TOR1AIP2: variants seen among roughly 807,000 people sequenced by gnomAD.
TOR1AIP2 encodes torsin 1A interacting protein 2.
In TOR1AIP2, 20 loss-of-function variants were observed where a neutral mutation model predicts 32.6. That is an observed-to-expected ratio of 0.61 (90% confidence interval 0.43 to 0.89). The LOEUF is 0.89. Among genes scored for constraint, TOR1AIP2 ranks in the 40% least tolerant of loss-of-function variants. TOR1AIP2 has a pLI of 0.00. For missense variants in TOR1AIP2, 456 were observed against 553.8 expected (o/e 0.82, Z 1.77); for synonymous variants, 214 against 210.8 (o/e 1.02, Z -0.13).
intron 3 of TOR1AIP2, chr1:179,860,501 A>C: frequency 1.0e-6 from 1 of 985,526 alleles, no homozygotes; most frequent in Non-Finnish European, 1.2e-6. Flanking sequence ...AAACAAAACA[A>C]GTAAGACTCT....
rs397754674 is a variant in TOR1AIP2 at position 179,843,820 on chromosome 1, C to CAAAAAAA, written c.*2244_*2250dup. The CAAAAAAA allele has an allele frequency of 9.0e-5, 5 of 55,476 alleles. No homozygotes were observed. The highest frequency in any genetic ancestry group is 1.5e-4 in the Non-Finnish European group (4 of 26,204). 3.4% of individuals were successfully genotyped at this position (55,476 alleles called of 1,614,324 possible). ...TGGGAGTCAGAGTGAGACTCCATCT[C>CAAAAAAA]AAAAAAAAAAAAAAAAAAAAAAGAC... On this transcript the variant is annotated 3_prime_UTR_variant, in exon 7 of 7. Coordinates refer to ENST00000609928, the MANE Select transcript of TOR1AIP2 (RefSeq NM_001199260.2).
rs1173179608 is a variant in TOR1AIP2 at position 179,842,111 on chromosome 1, A to C, written c.*3960T>G. Reference sequence around the variant, plus strand: ...GCTACTTGGCAGGCTGAGGCAGGAGAATCGCTTGAACCTGGGAGGCAGTGG... The same window carrying C: ...GCTACTTGGCAGGCTGAGGCAGGAGCATCGCTTGAACCTGGGAGGCAGTGG... On this transcript the variant is annotated 3_prime_UTR_variant, in exon 7 of 7. Transcript: ENST00000609928. 6.6e-6 allele frequency: 1 copy of C among 152,346 alleles called. No homozygotes were observed. The highest frequency in any genetic ancestry group is 1.5e-5 in the Non-Finnish European group (1 of 68,172). 9.4% of individuals were successfully genotyped at this position (152,346 alleles called of 1,614,324 possible).
chr1:179,861,935 A>G (rs1278525842), intron 3 of TOR1AIP2: 2 of 974,164 alleles, frequency 2.1e-6, no homozygotes, highest in Non-Finnish European at 2.4e-6. Context: ...CCTGGGCTCA[A>G]GTGATCCTGC....
In TOR1AIP2 at chr1:179,844,622, C is replaced by T. The variant is rs529048531; in HGVS notation, c.*1449G>A. On this transcript the variant is annotated 3_prime_UTR_variant, in exon 7 of 7. Transcript: ENST00000609928. ...CTGTTTTCAATCTTTCTTACAATCA[C>T]AGAACATGGTCCGTCAGTACTGAAC... The T allele has an allele frequency of 6.6e-6, 1 of 152,320 alleles. No individual in the cohort carries two copies. The highest frequency in any genetic ancestry group is 2.1e-4 in the South Asian group (1 of 4,832). The allele number at this position is 152,320 out of a possible 1,614,324, so 9.4% of individuals were successfully genotyped here.
At position 179,840,919 on chromosome 1, in the gene TOR1AIP2, G is replaced by A. The variant is rs1434673254; in HGVS notation, c.*5152C>T. ...TAATAATAATAATAATAATAATAAA[G>A]AAGTTATAGCACAGTTTATTAGCTA... On this transcript the variant is annotated 3_prime_UTR_variant, in exon 7 of 7. Coordinates refer to ENST00000609928, the MANE Select transcript of TOR1AIP2 (RefSeq NM_001199260.2). 8.4e-6 allele frequency: 1 copy of A among 118,656 alleles called. No homozygotes were observed. The highest frequency in any genetic ancestry group is 5.0e-5 in the African/African-American group (1 of 20,028). The allele number at this position is 118,656 out of a possible 1,614,324, so 7.4% of individuals were successfully genotyped here. A position where few individuals can be genotyped will look rare whatever the true frequency, so the allele number is the denominator to read the frequency against.
chr1:179,855,306 A>T (rs1026172977), intron 3 of TOR1AIP2, among the ~76,000 whole-genome samples: 1 of 152,228 alleles, frequency 6.6e-6, no homozygotes, highest in Non-Finnish European at 1.5e-5. Context: ...GACTAGAAAA[A>T]CATCTGCAAC....
At chr1:179,857,005 G>A (rs1238647826) in intron 3 of TOR1AIP2, among the ~76,000 whole-genome samples, 9 of 152,222 alleles carry the variant, frequency 5.9e-5, no homozygotes, top group Non-Finnish European at 1.3e-4. Context: ...GTGAGGCAGA[G>A]CCTCATCCTG....
chr1:179,845,494 T>G lies in TOR1AIP2; in HGVS notation c.*577A>C, dbSNP rs1196090376. On this transcript the variant is annotated 3_prime_UTR_variant, in exon 7 of 7. Transcript: ENST00000609928. ...AAAGCACAGTGCCTTACATGTAGTA[T>G]TTAGGTAGGTACTTAATGGTTTGAA... is the stretch of plus-strand genomic sequence containing the variant. 1.3e-5 allele frequency: 2 copies of G among 152,324 alleles called. No individual in the cohort carries two copies. The highest frequency in any genetic ancestry group is 2.9e-5 in the Non-Finnish European group (2 of 68,126). The allele number at this position is 152,324 out of a possible 1,614,324, so 9.4% of individuals were successfully genotyped here.
Position 179,842,494 on chromosome 1 carries a change from G to A in TOR1AIP2, c.*3577C>T, listed in dbSNP as rs1362189798. On this transcript the variant is annotated 3_prime_UTR_variant, in exon 7 of 7. Transcript: ENST00000609928. ...CAGAAAACCTAAAATTTACCCTAAGGGAAGAAAAACCTCAAGTCCAAAGAC... is the reference window on the plus strand; with the variant it reads ...CAGAAAACCTAAAATTTACCCTAAGAGAAGAAAAACCTCAAGTCCAAAGAC... 6.6e-6 allele frequency: 1 copy of A among 152,086 alleles called. No individual in the cohort carries two copies. Among genetic ancestry groups the A allele is most frequent in the African/African-American group, 2.4e-5 (1 of 41,406 alleles). 9.4% of individuals were successfully genotyped at this position (152,086 alleles called of 1,614,324 possible).
intron 6 of TOR1AIP2, 76 bp downstream of exon 6, chr1:179,847,459 G>T (rs1443260763): frequency 1.1e-6 from 1 of 945,836 alleles, no homozygotes; most frequent in Non-Finnish European, 1.7e-6. Context: ...GTTTAAATCT[G>T]CTAGTTTTCT....
intron 3 of TOR1AIP2, chr1:179,864,720 A>T: frequency 1.3e-6 from 2 of 1,508,942 alleles, no homozygotes; most frequent in South Asian, 2.8e-5. Flanking sequence ...TTATTTTTCC[A>T]TCTTCCTTGG....
intron 5 of TOR1AIP2, 127 bp from the exon 6 acceptor site, chr1:179,847,763 G>A (rs970514431): frequency 1.1e-5 from 7 of 664,076 alleles, no homozygotes; most frequent in Non-Finnish European, 1.8e-5. Context: ...GCCAGGTACG[G>A]TGGCTCATGC....
At chr1:179,865,044 T>C (rs1696711792) in intron 3 of TOR1AIP2, 1 of 1,613,962 alleles carries the variant, frequency 6.2e-7, no homozygotes, top group Non-Finnish European at 8.5e-7. Flanking sequence ...TAATCAGCTC[T>C]GTTAATACGG....
rs1236856113 is a variant in TOR1AIP2 at position 179,845,296 on chromosome 1, T to G, written c.*775A>C. On this transcript the variant is annotated 3_prime_UTR_variant, in exon 7 of 7. Transcript: ENST00000609928. ...ACTGCTCTGATACAAAGGGGAAGGG[T>G]GCCAGTAGACACAGTTTGAAAATCA... 1.3e-5 allele frequency: 2 copies of G among 152,148 alleles called. No homozygotes were observed. The highest frequency in any genetic ancestry group is 2.9e-5 in the Non-Finnish European group (2 of 68,018). The allele number at this position is 152,148 out of a possible 1,614,324, so 9.4% of individuals were successfully genotyped here.
At chr1:179,859,946 C>T (rs902957384) in intron 3 of TOR1AIP2, 1 of 657,602 alleles carries the variant, frequency 1.5e-6, no homozygotes, top group African/African-American at 2.0e-5. Context: ...AAGTGATCCT[C>T]CCACCTCAGC....
rs1558007451 is a variant in TOR1AIP2, at chr1:179,846,085, CCT to C, written c.1397_1398del (p.Gln466ArgfsTer19). On this transcript the variant is annotated frameshift_variant, in exon 7 of 7. Coordinates refer to ENST00000609928, the MANE Select transcript of TOR1AIP2 (RefSeq NM_001199260.2). LOFTEE classifies it high-confidence loss of function. ...PVQPVSSIEE[Q>X]GCLF is the part of the protein sequence containing the mutation. ...TGTGCTTAGCTTTAGAAAAGGCACC[CCT>C]GTTCTTCTATGCTACTCACTGGCTG... The C allele has an allele frequency of 4.3e-6, 7 of 1,613,582 alleles. No individual in the cohort carries two copies. Among genetic ancestry groups the C allele is most frequent in the Non-Finnish European group, 5.9e-6 (7 of 1,179,586 alleles).
At position 179,846,374 on chromosome 1, in the gene TOR1AIP2, G is replaced by A. The variant is rs750674376; in HGVS notation, c.1110C>T (p.Phe370=). ...KAAVVHHFES[F]PAGSTLIFYK... Reference sequence around the variant, plus strand: ...AGAAGATCAAAGTGGAGCCGGCAGGGAAGGATTCGAAGTGGTGTACCACAG... The same window carrying A: ...AGAAGATCAAAGTGGAGCCGGCAGGAAAGGATTCGAAGTGGTGTACCACAG... The change falls in exon 7 of 7, where the codon TTC becomes TTT. Residue 370 remains phenylalanine, a synonymous_variant. Transcript: ENST00000609928. 1.2e-6 allele frequency: 2 copies of A among 1,614,186 alleles called. No individual in the cohort carries two copies. Among genetic ancestry groups the A allele is most frequent in the Non-Finnish European group, 1.7e-6 (2 of 1,180,036 alleles).
Position 179,846,832 on chromosome 1 carries a change from TC to T in TOR1AIP2, c.656-5del, listed in dbSNP as rs1187182160. The T allele has an allele frequency of 1.3e-6, 2 of 1,574,868 alleles. No homozygotes were observed. The highest frequency in any genetic ancestry group is 8.6e-7 in the Non-Finnish European group (1 of 1,160,510). On this transcript the variant is annotated splice_polypyrimidine_tract_variant and splice_region_variant and intron_variant, in intron 6 of 6. Transcript: ENST00000609928. ...AGGACGACAAGAATCACAGGGCCTG[TC>T]AAAAGAATGAAAAAGGAATAGAAAA...
intron 3 of TOR1AIP2, chr1:179,863,447 C>T (rs973341090): frequency 2.0e-6 from 2 of 985,004 alleles, no homozygotes; most frequent in African/African-American, 3.5e-5. Context: ...CTCTCTACTT[C>T]CAGCCTTTCC....
Sources: allele counts gnomAD v4.1 joint callset (sites outside exome capture counted in the v4.1 genomes callset), GRCh38; gene constraint gnomAD v4.1.1; transcripts MANE v1.5; gene names NCBI Gene and HGNC (gene_info 2026-07-23, HGNC 2026-07-21).